The following PHF20 variants were observed in gnomAD, a reference collection of about 807,000 sequenced individuals.
PHF20 encodes PHD finger protein 20.
A neutral mutation model predicts 113.5 loss-of-function variants in PHF20; 23 were observed. That is an observed-to-expected ratio of 0.20 (90% CI 0.15 to 0.29). The LOEUF (loss-of-function observed/expected upper bound fraction) is 0.29. Ranked by LOEUF, PHF20 falls within the 10% of genes least tolerant of loss-of-function variation. PHF20 has a pLI of 1.00. For synonymous variants in PHF20, 434 were observed against 457.3 expected (o/e 0.95, Z 0.65); for missense variants, 943 against 1,219.6 (o/e 0.77, Z 3.38).
intron 9 of PHF20, among the ~76,000 whole-genome samples, chr20:35,884,842 A>G (rs1482993528): frequency 6.6e-6 from 1 of 151,644 alleles, no homozygotes; most frequent in Admixed American, 6.6e-5. Flanking sequence ...ATTTTATTTC[A>G]TTTTTTGAGA....
chr20:35,869,199 G>A (rs1480002378), intron 6 of PHF20, among the ~76,000 whole-genome samples: 1 of 152,118 alleles, frequency 6.6e-6, no homozygotes, highest in East Asian at 1.9e-4. Context: ...ACTGGAGCTG[G>A]ATCATAGAAA....
intron 16 of PHF20, 71 bp downstream of exon 16, chr20:35,939,179 T>C: frequency 7.0e-7 from 1 of 1,418,970 alleles, no homozygotes; most frequent in Non-Finnish European, 9.6e-7. Context: ...CTAGTTTGAA[T>C]GCTCTATGGA....
At chr20:35,857,078 G>A (rs1568660021) in intron 4 of PHF20, among the ~76,000 whole-genome samples, 1 of 152,050 alleles carries the variant, frequency 6.6e-6, no homozygotes, top group South Asian at 2.1e-4. Flanking sequence ...CAGGCCTCAG[G>A]GTTTTTTGCA....
intron 6 of PHF20, among the ~76,000 whole-genome samples, chr20:35,865,706 C>T (rs2054308792): frequency 6.6e-6 from 1 of 151,776 alleles, no homozygotes; most frequent in Admixed American, 6.6e-5. Context: ...ACTATGTTGC[C>T]CAGGTTTGTC....
At chr20:35,861,871 A>G (rs2054223898) in intron 5 of PHF20, among the ~76,000 whole-genome samples, 1 of 151,914 alleles carries the variant, frequency 6.6e-6, no homozygotes, top group Non-Finnish European at 1.5e-5. Flanking sequence ...GTATTTAGGT[A>G]CTCCTTCCTG....
chr20:35,781,964 A>T (rs899420480), intron 1 of PHF20, among the ~76,000 whole-genome samples: 1 of 150,782 alleles, frequency 6.6e-6, no homozygotes, highest in Non-Finnish European at 1.5e-5. Flanking sequence ...AAAAAAAATT[A>T]TAACTCTGTA....
intron 3 of PHF20, among the ~76,000 whole-genome samples, chr20:35,843,521 CAAAAA>C (rs766671833): frequency 1.9e-5 from 1 of 53,192 alleles, no homozygotes; most frequent in African/African-American, 7.0e-5. Context: ...TATTCCATCT[CAAAAA>C]AAAAAAAAAA....
chr20:35,848,425 C>T (rs2146946748), intron 4 of PHF20, among the ~76,000 whole-genome samples: 1 of 152,114 alleles, frequency 6.6e-6, no homozygotes, highest in East Asian at 1.9e-4. Context: ...GCACCACGGT[C>T]AGCTAAATTT....
chr20:35,793,733 C>T (rs901499313), intron 1 of PHF20, among the ~76,000 whole-genome samples: 5 of 151,480 alleles, frequency 3.3e-5, no homozygotes, highest in Non-Finnish European at 7.4e-5. Flanking sequence ...CGCAGTGGCT[C>T]ATGCCTGTAA....
intron 1 of PHF20, chr20:35,782,284 T>C (rs1363587087): frequency 2.6e-5 from 4 of 151,828 alleles, no homozygotes; most frequent in Admixed American, 1.3e-4. Context: ...TTTTTTTCTT[T>C]TTTTTTTCTT....
chr20:35,848,183 T>C (rs777179777), intron 4 of PHF20, among the ~76,000 whole-genome samples: 1 of 152,162 alleles, frequency 6.6e-6, no homozygotes, highest in African/African-American at 2.4e-5. Flanking sequence ...TGACTTTTCA[T>C]TTGATGAAGT....
chr20:35,938,972 C>T lies in PHF20; in HGVS notation c.2576C>T (p.Thr859Met), dbSNP rs543227229. 5 of 1,614,136 alleles carry T rather than the reference C, an allele frequency of 3.1e-6. No homozygotes were observed. The highest frequency in any genetic ancestry group is 1.3e-5 in the African/African-American group (1 of 75,022). The change falls in exon 16 of 18, where the codon ACG (threonine) becomes ATG (methionine). Residue 859 changes from threonine (T) to methionine (M), a missense_variant. Coordinates refer to ENST00000374012, the MANE Select transcript of PHF20 (RefSeq NM_016436.5). ...PAVEQKLVVE[T>M]RGSALDDAVN... ...GTGGAGCAGAAGCTGGTGGTGGAGA[C>T]GAGGGGCTCTGCCCTCGACGATGCG...
At chr20:35,841,972 C>T (rs1291704698) in intron 2 of PHF20, among the ~76,000 whole-genome samples, 16 of 152,142 alleles carry the variant, frequency 1.1e-4, no homozygotes, top group Non-Finnish European at 2.1e-4. Flanking sequence ...TGTATGTCAT[C>T]TTGTTTAATC....
chr20:35,855,096 A>G (rs1421256210), intron 4 of PHF20: 1 of 201,856 alleles, frequency 5.0e-6, no homozygotes, highest in East Asian at 1.6e-4. Flanking sequence ...TGGCACACAT[A>G]ATATTTAAGA....
At chr20:35,787,887 C>G (rs1236102071) in intron 1 of PHF20, among the ~76,000 whole-genome samples, 5 of 152,166 alleles carry the variant, frequency 3.3e-5, no homozygotes, top group African/African-American at 1.2e-4. Context: ...AAGTGATTCT[C>G]CTGCCTCAGC....
chr20:35,921,268 G>A (rs2147097324), intron 13 of PHF20, among the ~76,000 whole-genome samples: 1 of 152,174 alleles, frequency 6.6e-6, no homozygotes, highest in South Asian at 2.1e-4. Flanking sequence ...ACAAAATTAT[G>A]TGTGGTGGCG....
intron 14 of PHF20, among the ~76,000 whole-genome samples, chr20:35,929,737 G>A (rs748654238): frequency 1.3e-5 from 2 of 152,032 alleles, no homozygotes; most frequent in African/African-American, 2.4e-5. Flanking sequence ...GACTTTAATC[G>A]CCAATACTGT....
chr20:35,846,796 G>A (rs1339624328), intron 3 of PHF20, among the ~76,000 whole-genome samples: 1 of 152,084 alleles, frequency 6.6e-6, no homozygotes, highest in Non-Finnish European at 1.5e-5. Flanking sequence ...TCTTTTCTGT[G>A]TTGCTATAAT....
chr20:35,894,120 T>C (rs2054931626), intron 9 of PHF20, among the ~76,000 whole-genome samples: 1 of 152,182 alleles, frequency 6.6e-6, no homozygotes, highest in Non-Finnish European at 1.5e-5. Flanking sequence ...GGTTTTGAAT[T>C]TCACACTTTC....
Sources: gnomAD v4.1 joint callset for allele counts (sites outside exome capture counted in the v4.1 genomes callset) on GRCh38, gnomAD v4.1.1 for gene constraint, MANE v1.5 for transcripts, NCBI Gene and HGNC (gene_info 2026-07-23, HGNC 2026-07-21) for gene names.